TLL1: variants seen among roughly 807,000 people sequenced by gnomAD.
TLL1 encodes the protein tolloid like 1.
TLL1 carries 49 observed loss-of-function variants against 128.2 expected under a neutral mutation model. The ratio of observed to expected loss-of-function variants is 0.38; its 90% confidence interval spans 0.30 to 0.48. TLL1 has a LOEUF of 0.48. Ranked by LOEUF, TLL1 falls within the 20% of genes least tolerant of loss-of-function variation. The probability of loss-of-function intolerance (pLI) is 0.96; values close to 1 mark genes in which losing one functional copy is unlikely to be tolerated. For synonymous variants in TLL1, 454 were observed against 418.8 expected (o/e 1.08, Z -1.03); for missense variants, 1,123 against 1,242.0 (o/e 0.90, Z 1.44).
chr4:165,983,891 C>T (rs1736275099), intron 1 of TLL1, among the ~76,000 whole-genome samples: 1 of 151,706 alleles, frequency 6.6e-6, no homozygotes, highest in African/African-American at 2.4e-5. Flanking sequence ...CCTTCCAATC[C>T]AGTGTGCGAG....
intron 14 of TLL1, 27 bp downstream of exon 14, chr4:166,057,336 C>T (rs1740067621): frequency 6.2e-7 from 1 of 1,612,816 alleles, no homozygotes; most frequent in Non-Finnish European, 8.5e-7. Context: ...TCCTGGACCC[C>T]CACCCCCCAC....
intron 1 of TLL1, among the ~76,000 whole-genome samples, chr4:165,971,745 T>C (rs532395221): frequency 6.6e-6 from 1 of 152,298 alleles, no homozygotes; most frequent in African/African-American, 2.4e-5. Flanking sequence ...AAATTTTAGA[T>C]GTTTTCTTCT....
At chr4:165,999,003 C>T (rs1450412785) in intron 5 of TLL1, among the ~76,000 whole-genome samples, 1 of 152,054 alleles carries the variant, frequency 6.6e-6, no homozygotes, top group East Asian at 1.9e-4. Context: ...GCAGAAAAAA[C>T]GATTTATTAG....
chr4:166,031,351 C>A (rs944074366), intron 9 of TLL1, among the ~76,000 whole-genome samples: 27 of 141,164 alleles, frequency 1.9e-4, no homozygotes, highest in African/African-American at 6.6e-4. Flanking sequence ...TAAATTATGG[C>A]GATTGCAAGG....
chr4:165,992,748 A>T, intron 2 of TLL1, 56 bp from the exon 3 acceptor site: 2 of 1,517,622 alleles, frequency 1.3e-6, no homozygotes, highest in South Asian at 2.2e-5. Context: ...ACTGTTTTTT[A>T]TTTGCAAGAA....
intron 15 of TLL1, among the ~76,000 whole-genome samples, chr4:166,065,052 C>T (rs1176281361): frequency 1.3e-5 from 2 of 152,014 alleles, no homozygotes; most frequent in Non-Finnish European, 2.9e-5. Context: ...GAATACCTGG[C>T]ATTCATTTAG....
At chr4:166,091,387 G>T (rs1741776055) in intron 19 of TLL1, 46 bp downstream of exon 19, 1 of 1,562,668 alleles carries the variant, frequency 6.4e-7, no homozygotes, top group African/African-American at 1.4e-5. Flanking sequence ...TGAGATCCAG[G>T]TTTTTCTTCT....
At chr4:166,027,701 A>C (rs1451786926) in intron 9 of TLL1, among the ~76,000 whole-genome samples, 1 of 152,186 alleles carries the variant, frequency 6.6e-6, no homozygotes, top group East Asian at 1.9e-4. Context: ...AAAAGATACA[A>C]ATTTTGAGAA....
intron 1 of TLL1, among the ~76,000 whole-genome samples, chr4:165,908,096 CA>C (rs1267616971): frequency 6.6e-6 from 1 of 152,112 alleles, no homozygotes; most frequent in Admixed American, 6.5e-5. Flanking sequence ...TGATGTTTTT[CA>C]AAGCAATTTC....
chr4:166,037,691 C>T (rs564050704), intron 9 of TLL1, among the ~76,000 whole-genome samples: 1 of 151,960 alleles, frequency 6.6e-6, no homozygotes, highest in Non-Finnish European at 1.5e-5. Flanking sequence ...ACCTGTAATC[C>T]CAGCTACTCA....
chr4:165,914,327 C>A (rs73860884), intron 1 of TLL1, among the ~76,000 whole-genome samples: 1 of 151,596 alleles, frequency 6.6e-6, no homozygotes, highest in African/African-American at 2.4e-5. Context: ...TATTTTTTTC[C>A]CCAGAATTTG....
At chr4:166,068,043 A>G (rs1354480627) in intron 16 of TLL1, among the ~76,000 whole-genome samples, 1 of 151,840 alleles carries the variant, frequency 6.6e-6, no homozygotes, top group African/African-American at 2.4e-5. Flanking sequence ...GTAAAGTCCA[A>G]GACAATTATT....
chr4:166,030,298 T>C (rs931866182), intron 9 of TLL1, among the ~76,000 whole-genome samples: 7 of 152,192 alleles, frequency 4.6e-5, no homozygotes, highest in African/African-American at 1.7e-4. Flanking sequence ...TAGCCATTTG[T>C]ATATCGTCCT....
At chr4:165,962,636 A>G (rs1350783786) in intron 1 of TLL1, among the ~76,000 whole-genome samples, 1 of 152,182 alleles carries the variant, frequency 6.6e-6, no homozygotes, top group African/African-American at 2.4e-5. Flanking sequence ...TTGCAGCACT[A>G]TTTACAGTAG....
intron 1 of TLL1, among the ~76,000 whole-genome samples, chr4:165,941,500 G>A (rs184927003): frequency 1.3e-5 from 2 of 152,144 alleles, no homozygotes; most frequent in Middle Eastern, 3.4e-3. Context: ...AGAGAGAGAG[G>A]ACAAGCTTGC....
rs56109902 is a variant in TLL1 at position 165,969,081 on chromosome 4, G to C, written c.170-20300G>C. Reference sequence around the variant, plus strand: ...TTCTCCCTTAAGTTTATCCCTCTGAGTATTTTAAGTAATATTATTTTTGTT... The same window carrying C: ...TTCTCCCTTAAGTTTATCCCTCTGACTATTTTAAGTAATATTATTTTTGTT... On this transcript the variant is annotated intron_variant, in intron 1 of 20. Coordinates refer to ENST00000061240, the MANE Select transcript of TLL1 (RefSeq NM_012464.5). 5.2e-3 allele frequency among the ~76,000 whole-genome samples: 791 copies of C among 152,236 alleles called. 12 individuals are homozygous for C. Among genetic ancestry groups the C allele is most frequent in the African/African-American group, 0.018 (736 of 41,560 alleles).
intron 9 of TLL1, chr4:166,030,993 GCA>G: frequency 1.0e-6 from 1 of 953,612 alleles, no homozygotes; most frequent in Non-Finnish European, 1.2e-6. Flanking sequence ...GTACGATTTT[GCA>G]CATTAAAGTT....
At chr4:166,075,750 T>C (rs954099944) in intron 17 of TLL1, among the ~76,000 whole-genome samples, 13 of 152,172 alleles carry the variant, frequency 8.5e-5, no homozygotes. Flanking sequence ...GCAAATTTTA[T>C]AACTTTAGTC....
chr4:166,040,290 T>G (rs1215443199), intron 10 of TLL1, among the ~76,000 whole-genome samples: 1 of 152,104 alleles, frequency 6.6e-6, no homozygotes, highest in Admixed American at 6.6e-5. Flanking sequence ...ATCCAAGAGA[T>G]CTGTAGAAAT....
Sources: gnomAD v4.1 joint callset for allele counts (sites outside exome capture counted in the v4.1 genomes callset) on GRCh38, gnomAD v4.1.1 for gene constraint, MANE v1.5 for transcripts, NCBI Gene and HGNC (gene_info 2026-07-23, HGNC 2026-07-21) for gene names.